LRP1B: variants seen among roughly 807,000 people sequenced by gnomAD.
LRP1B encodes LDL receptor related protein 1B.
LRP1B carries 217 observed loss-of-function variants against 556.6 expected under a neutral mutation model. That is an observed-to-expected ratio of 0.39 (90% CI 0.35 to 0.44). The LOEUF is 0.44. LRP1B is among the 20% of genes least tolerant of loss of function. The pLI, the probability that LRP1B is intolerant of heterozygous loss-of-function variation, is 1.00. For missense variants in LRP1B, 5,053 were observed against 5,620.8 expected, an observed-to-expected ratio of 0.90 and a Z score of 3.23; for synonymous variants, 2,047 against 1,865.8, an observed-to-expected ratio of 1.10 and a Z score of -2.50.
At chr2:141,533,349 A>AAGCG (rs66544771) in intron 2 of LRP1B, among the ~76,000 whole-genome samples, 1 of 152,054 alleles carries the variant, frequency 6.6e-6, no homozygotes, top group East Asian at 1.9e-4. Flanking sequence ...GAAAGCAAGC[A>AAGCG]TCAGCCTTCT....
chr2:141,951,469 T>C (rs114516209), intron 1 of LRP1B, among the ~76,000 whole-genome samples: 1,783 of 152,254 alleles, frequency 0.012, 32 homozygotes, highest in African/African-American at 0.041. Context: ...TCACACTAAT[T>C]GGAGCACCAA....
At chr2:140,671,227 A>C (rs754262639) in intron 41 of LRP1B, among the ~76,000 whole-genome samples, 5 of 148,130 alleles carry the variant, frequency 3.4e-5, no homozygotes, top group Non-Finnish European at 6.1e-5. Context: ...TTAGAAAAAA[A>C]TATGTTTTCT....
chr2:141,467,178 T>TGAGAGA (rs1282800261), intron 3 of LRP1B, among the ~76,000 whole-genome samples: 1 of 148,956 alleles, frequency 6.7e-6, no homozygotes, highest in Non-Finnish European at 1.5e-5. Flanking sequence ...AATATCTACC[T>TGAGAGA]GAGAGAGAGA....
intron 1 of LRP1B, among the ~76,000 whole-genome samples, chr2:141,866,907 GA>G (rs869274290): frequency 2.0e-5 from 3 of 151,752 alleles, no homozygotes; most frequent in South Asian, 2.1e-4. Context: ...AAATAAGGGG[GA>G]AAAAAAGGAA....
intron 2 of LRP1B, among the ~76,000 whole-genome samples, chr2:141,745,390 A>G (rs1314987686): frequency 6.6e-6 from 1 of 152,078 alleles, no homozygotes; most frequent in Non-Finnish European, 1.5e-5. Context: ...AACTTAAACT[A>G]CAAGATGCAG....
intron 29 of LRP1B, among the ~76,000 whole-genome samples, chr2:140,846,392 T>G (rs1168948710): frequency 6.6e-6 from 1 of 151,996 alleles, no homozygotes; most frequent in Middle Eastern, 3.2e-3. Flanking sequence ...AAGGAGCTAG[T>G]GTTTGTCTCA....
chr2:140,683,083 G>A lies in LRP1B; in HGVS notation c.6799+17167C>T, dbSNP rs145495327. On this transcript the variant is annotated intron_variant, in intron 41 of 90. Transcript: ENST00000389484. ...ATACCTATTCAGAATGGCAGACTAC[G>A]CTGATGCAAAAGTAATTGCGGGCTT... 2.0e-5 allele frequency among the ~76,000 whole-genome samples: 3 copies of A among 152,200 alleles called. No homozygotes were observed. In the East Asian group the frequency reaches 5.8e-4, roughly 29 times the overall value.
rs930995471 is a variant in LRP1B, at chr2:141,818,979, G to A, written c.83-8578C>T. On this transcript the variant is annotated intron_variant, in intron 1 of 90. Coordinates refer to ENST00000389484, the MANE Select transcript of LRP1B (RefSeq NM_018557.3). ...TTTCTGGCCAGGTGCGGTGGCTCACGCCTGTAATCCCAGCACTTTGGGAGG... is the reference window on the plus strand; with the variant it reads ...TTTCTGGCCAGGTGCGGTGGCTCACACCTGTAATCCCAGCACTTTGGGAGG... 1.1e-4 allele frequency among the ~76,000 whole-genome samples: 17 copies of A among 151,548 alleles called. 1 individual carries two copies. The highest frequency in any genetic ancestry group is 3.9e-4 in the African/African-American group (16 of 41,274).
At chr2:140,773,680 T>A (rs1264962542) in intron 33 of LRP1B, among the ~76,000 whole-genome samples, 1 of 151,556 alleles carries the variant, frequency 6.6e-6, no homozygotes, top group Non-Finnish European at 1.5e-5. Flanking sequence ...AAAATATATT[T>A]CAACAATTAA....
At chr2:140,299,886 G>A (rs1683748078) in intron 83 of LRP1B, among the ~76,000 whole-genome samples, 1 of 151,932 alleles carries the variant, frequency 6.6e-6, no homozygotes, top group Non-Finnish European at 1.5e-5. Context: ...AATCTGAAAA[G>A]GTGCCACACA....
chr2:141,765,600 A>G (rs1694709039), intron 2 of LRP1B, among the ~76,000 whole-genome samples: 1 of 152,216 alleles, frequency 6.6e-6, no homozygotes, highest in Admixed American at 6.5e-5. Context: ...CATCCCTGAA[A>G]CTAATTAAAA....
chr2:140,328,488 GAAAAT>G (rs946517292), intron 79 of LRP1B, among the ~76,000 whole-genome samples: 3 of 136,176 alleles, frequency 2.2e-5, no homozygotes, highest in Non-Finnish European at 4.9e-5. Context: ...AAAAAAAAAA[GAAAAT>G]GAAGAAAACA....
At chr2:141,812,431 G>C (rs540886273) in intron 1 of LRP1B, among the ~76,000 whole-genome samples, 1 of 151,982 alleles carries the variant, frequency 6.6e-6, no homozygotes, top group Non-Finnish European at 1.5e-5. Context: ...TTTGATCTAC[G>C]GTCTTGAAAT....
chr2:141,138,450 C>A (rs1452594100), intron 7 of LRP1B, among the ~76,000 whole-genome samples: 1 of 151,884 alleles, frequency 6.6e-6, no homozygotes, highest in Non-Finnish European at 1.5e-5. Context: ...AATTAAAAGA[C>A]AACCATGTTT....
chr2:141,830,601 A>G (rs1174899556), intron 1 of LRP1B, among the ~76,000 whole-genome samples: 1 of 151,824 alleles, frequency 6.6e-6, no homozygotes, highest in Non-Finnish European at 1.5e-5. Flanking sequence ...TACTCCTACC[A>G]GTGCCTGAAA....
chr2:141,191,538 C>T (rs1558922752), intron 6 of LRP1B, among the ~76,000 whole-genome samples: 1 of 151,936 alleles, frequency 6.6e-6, no homozygotes, highest in African/African-American at 2.4e-5. Context: ...GAATGTCTAT[C>T]ACCTCCTACA....
intron 1 of LRP1B, among the ~76,000 whole-genome samples, chr2:141,949,947 A>T (rs1331018006): frequency 6.6e-6 from 1 of 152,164 alleles, no homozygotes; most frequent in Admixed American, 6.6e-5. Context: ...ATACAATAAG[A>T]TTGGAATTCA....
chr2:141,186,717 C>G (rs1850696), intron 7 of LRP1B, among the ~76,000 whole-genome samples: 5,075 of 152,110 alleles, frequency 0.033, 139 homozygotes, highest in East Asian at 0.16. Flanking sequence ...TGGGGGTTTT[C>G]TACTCTTAAT....
At chr2:141,961,381 T>C (rs531945571) in intron 1 of LRP1B, among the ~76,000 whole-genome samples, 7 of 151,848 alleles carry the variant, frequency 4.6e-5, no homozygotes, top group East Asian at 3.9e-4. Context: ...AGGTTCATGA[T>C]TGGTTTAAAA....
Sources: gnomAD v4.1 joint callset for allele counts (sites outside exome capture counted in the v4.1 genomes callset) on GRCh38, gnomAD v4.1.1 for gene constraint, MANE v1.5 for transcripts, NCBI Gene and HGNC (gene_info 2026-07-23, HGNC 2026-07-21) for gene names.